CNTNAP2: variants seen among roughly 807,000 people sequenced by gnomAD.
CNTNAP2 encodes contactin-associated protein-like 2.
Under a neutral mutation model 155.2 loss-of-function variants are expected in CNTNAP2, and 98 were observed. That is an observed-to-expected ratio of 0.63 (90% CI 0.54 to 0.75). CNTNAP2 has a LOEUF of 0.75. Among genes scored for constraint, CNTNAP2 ranks in the 30% least tolerant of loss-of-function variants. The probability of loss-of-function intolerance (pLI) is 0.00; values close to 1 mark genes in which losing one functional copy is unlikely to be tolerated. For synonymous variants in CNTNAP2, 651 were observed against 631.2 expected, an observed-to-expected ratio of 1.03 and a Z score of -0.47; for missense variants, 1,727 against 1,688.1, an observed-to-expected ratio of 1.02 and a Z score of -0.40.
chr7:146,139,749 C>T (rs941950704), intron 1 of CNTNAP2, among the ~76,000 whole-genome samples: 2 of 151,780 alleles, frequency 1.3e-5, no homozygotes, highest in African/African-American at 4.8e-5. Flanking sequence ...ACTAAGGGAC[C>T]CTATTTAAGA....
Position 147,595,942 on chromosome 7 carries a change from C to T in CNTNAP2, c.1897+33685C>T, listed in dbSNP as rs367902343. ...CCTGGGCTTTCTTCTCTTTGCTTGA[C>T]GTATAAATGTTTTGTTTTTGTTTTT... On this transcript the variant is annotated intron_variant, in intron 12 of 23. Transcript: ENST00000361727. Among the ~76,000 whole-genome samples, 26 of 152,288 alleles carry T rather than the reference C, an allele frequency of 1.7e-4. 1 individual carries two copies. The highest frequency in any genetic ancestry group is 3.4e-3 in the Middle Eastern group (1 of 294).
chr7:146,942,144 T>C (rs1291192051), intron 3 of CNTNAP2, among the ~76,000 whole-genome samples: 1 of 152,138 alleles, frequency 6.6e-6, no homozygotes. Flanking sequence ...TAGTTGCTTT[T>C]TTGATGTTGT....
chr7:147,938,793 G>A (rs1275937523), intron 14 of CNTNAP2, among the ~76,000 whole-genome samples: 1 of 152,054 alleles, frequency 6.6e-6, no homozygotes, highest in Non-Finnish European at 1.5e-5. Flanking sequence ...ATGACCTGAG[G>A]CTATTGTATT....
chr7:146,927,998 A>G (rs1363002599), intron 3 of CNTNAP2, among the ~76,000 whole-genome samples: 1 of 150,408 alleles, frequency 6.6e-6, no homozygotes, highest in Middle Eastern at 3.2e-3. Flanking sequence ...ATGTATATGC[A>G]TATAATTTTC....
At chr7:147,171,504 C>G (rs1201849293) in intron 8 of CNTNAP2, among the ~76,000 whole-genome samples, 2 of 152,148 alleles carry the variant, frequency 1.3e-5, no homozygotes, top group Non-Finnish European at 2.9e-5. Context: ...AAAAGTGAAG[C>G]TACCTGTAAT....
chr7:147,060,854 ACT>A (rs748523921), intron 4 of CNTNAP2, among the ~76,000 whole-genome samples: 9 of 144,578 alleles, frequency 6.2e-5, no homozygotes, highest in East Asian at 4.0e-4. Flanking sequence ...ACAGAGCGAG[ACT>A]CTGTCTCAAA....
chr7:146,750,412 G>A (rs1801883403), intron 1 of CNTNAP2, among the ~76,000 whole-genome samples: 1 of 152,080 alleles, frequency 6.6e-6, no homozygotes, highest in Non-Finnish European at 1.5e-5. Context: ...CTACATGAGT[G>A]TGCCATTTGT....
Position 146,935,610 on chromosome 7 carries a change from CTACTT to C in CNTNAP2, c.402+95709_402+95713del, listed in dbSNP as rs543558630. On this transcript the variant is annotated intron_variant, in intron 3 of 23. Coordinates refer to ENST00000361727, the MANE Select transcript of CNTNAP2 (RefSeq NM_014141.6). ...CTCATGATAAGCTGTCTAGCAAACTCTACTTTAAAGGCTATAATTACACAGCAGAT... is the reference window on the plus strand; with the variant it reads ...CTCATGATAAGCTGTCTAGCAAACTCTAAAGGCTATAATTACACAGCAGAT... Among the ~76,000 whole-genome samples the C allele has an allele frequency of 1.8e-4, 27 of 152,290 alleles. 1 individual carries two copies. In the South Asian group the frequency reaches 5.6e-3, roughly 32 times the overall value.
intron 1 of CNTNAP2, among the ~76,000 whole-genome samples, chr7:146,428,274 C>T (rs186337990): frequency 1.3e-5 from 2 of 152,220 alleles, no homozygotes; most frequent in East Asian, 3.9e-4. Flanking sequence ...ATTGGGACTG[C>T]TGGGTCAAAT....
chr7:147,955,253 T>C (rs989870269), intron 14 of CNTNAP2, among the ~76,000 whole-genome samples: 2 of 152,218 alleles, frequency 1.3e-5, no homozygotes, highest in African/African-American at 2.4e-5. Flanking sequence ...GTTTTACATA[T>C]CAGAATTTCA....
intron 2 of CNTNAP2, among the ~76,000 whole-genome samples, chr7:146,787,651 G>A (rs968726026): frequency 5.9e-5 from 9 of 152,100 alleles, no homozygotes; most frequent in African/African-American, 9.7e-5. Flanking sequence ...ACCTTCCCCC[G>A]CGCATGAGGG....
intron 1 of CNTNAP2, among the ~76,000 whole-genome samples, chr7:146,124,180 T>C (rs1464764522): frequency 3.3e-5 from 5 of 152,076 alleles, no homozygotes; most frequent in African/African-American, 4.8e-5. Context: ...CAAACCACCA[T>C]GGCACATGTA....
intron 3 of CNTNAP2, among the ~76,000 whole-genome samples, chr7:146,908,182 A>C (rs1035257359): frequency 1.3e-5 from 2 of 152,082 alleles, no homozygotes; most frequent in Admixed American, 6.5e-5. Flanking sequence ...AGAGACTTAG[A>C]CTCCCAAACA....
chr7:147,203,765 A>G (rs1802967090), intron 8 of CNTNAP2, among the ~76,000 whole-genome samples: 2 of 152,206 alleles, frequency 1.3e-5, no homozygotes, highest in South Asian at 4.1e-4. Context: ...TGCAAATGAT[A>G]TGGAAGCTGA....
intron 1 of CNTNAP2, among the ~76,000 whole-genome samples, chr7:146,260,154 G>A (rs1362598510): frequency 6.6e-6 from 1 of 152,236 alleles, no homozygotes. Context: ...AGGGTGCATA[G>A]AAGACAAGAG....
At chr7:146,712,467 G>T (rs1224685515) in intron 1 of CNTNAP2, among the ~76,000 whole-genome samples, 1 of 148,656 alleles carries the variant, frequency 6.7e-6, no homozygotes. Context: ...TGAGGTATTT[G>T]AACTGGACTT....
At chr7:146,841,333 G>T (rs914102313) in intron 3 of CNTNAP2, among the ~76,000 whole-genome samples, 4 of 150,692 alleles carry the variant, frequency 2.7e-5, no homozygotes, top group Non-Finnish European at 5.9e-5. Flanking sequence ...TTAAAATTTG[G>T]CAGAGAGAGA....
At chr7:147,822,398 C>T (rs1396832652) in intron 13 of CNTNAP2, among the ~76,000 whole-genome samples, 1 of 152,074 alleles carries the variant, frequency 6.6e-6, no homozygotes, top group East Asian at 1.9e-4. Context: ...ACAAGATGTT[C>T]TCACTTTTTT....
At chr7:146,303,104 G>A (rs1182114824) in intron 1 of CNTNAP2, among the ~76,000 whole-genome samples, 1 of 148,018 alleles carries the variant, frequency 6.8e-6, no homozygotes, top group African/African-American at 2.6e-5. Flanking sequence ...GTGTGTGTGT[G>A]TGTGCGCATG....
Sources: gnomAD v4.1 joint callset for allele counts (sites outside exome capture counted in the v4.1 genomes callset) on GRCh38, gnomAD v4.1.1 for gene constraint, MANE v1.5 for transcripts, NCBI Gene and HGNC (gene_info 2026-07-23, HGNC 2026-07-21) for gene names.